ENTHD1: variants seen among roughly 807,000 people sequenced by gnomAD.
The protein encoded by ENTHD1 is ENTH domain-containing protein 1.
A neutral mutation model predicts 39.1 loss-of-function variants in ENTHD1; 23 were observed. The ratio of observed to expected loss-of-function variants is 0.59; its 90% CI spans 0.42 to 0.83. ENTHD1 has a LOEUF of 0.83. Among genes scored for constraint, ENTHD1 ranks in the 40% least tolerant of loss-of-function variants. ENTHD1 has a pLI of 0.00. For missense variants in ENTHD1, 624 were observed against 705.4 expected (o/e 0.88, Z 1.31); for synonymous variants, 230 against 258.2 (o/e 0.89, Z 1.05).
intron 5 of ENTHD1, among the ~76,000 whole-genome samples, chr22:39,788,131 G>A (rs1165445414): frequency 6.6e-6 from 1 of 152,146 alleles, no homozygotes; most frequent in Non-Finnish European, 1.5e-5. Context: ...TGACTTTCAA[G>A]TCTTATTATT....
At chr22:39,883,086 G>A (rs1389814207) in intron 2 of ENTHD1, among the ~76,000 whole-genome samples, 1 of 151,436 alleles carries the variant, frequency 6.6e-6, no homozygotes, top group Non-Finnish European at 1.5e-5. Context: ...TCCCCTAATG[G>A]AATCTTTTTC....
At chr22:39,782,277 ACT>A (rs1273429539) in intron 5 of ENTHD1, among the ~76,000 whole-genome samples, 2 of 152,052 alleles carry the variant, frequency 1.3e-5, no homozygotes, top group African/African-American at 4.8e-5. Context: ...ACAGAGAGAG[ACT>A]CTGTCTCAAA....
At chr22:39,796,297 G>A (rs2056745736) in intron 5 of ENTHD1, among the ~76,000 whole-genome samples, 2 of 151,864 alleles carry the variant, frequency 1.3e-5, no homozygotes, top group Admixed American at 1.3e-4. Context: ...TTTTGAGACA[G>A]GGTCTTGCTC....
At position 39,862,008 on chromosome 22, in the gene ENTHD1, C is replaced by T; in HGVS notation, c.350-1G>A. On this transcript the variant is annotated splice_acceptor_variant, in intron 2 of 6. Transcript: ENST00000325157. LOFTEE classifies it high-confidence loss of function. Reference sequence around the variant, plus strand: ...TTAGATTTTTCCCGGATATAATAACCTGAAAAATACATTGACTCTGCTTAG... The same window carrying T: ...TTAGATTTTTCCCGGATATAATAACTTGAAAAATACATTGACTCTGCTTAG... 1 of 1,472,416 alleles carries T rather than the reference C, an allele frequency of 6.8e-7. No individual in the cohort carries two copies. The highest frequency in any genetic ancestry group is 9.2e-7 in the Non-Finnish European group (1 of 1,092,290). The allele number at this position is 1,472,416 out of a possible 1,614,324, so 91.2% of individuals were successfully genotyped here. A position where few individuals can be genotyped will look rare whatever the true frequency, so the allele number is the denominator to read the frequency against.
intron 5 of ENTHD1, among the ~76,000 whole-genome samples, chr22:39,800,826 C>T (rs2065592829): frequency 6.6e-6 from 1 of 152,186 alleles, no homozygotes; most frequent in Non-Finnish European, 1.5e-5. Flanking sequence ...TCTAGGTTTG[C>T]TTTTTAATGG....
At chr22:39,866,143 G>A (rs779732296) in intron 2 of ENTHD1, among the ~76,000 whole-genome samples, 7 of 152,216 alleles carry the variant, frequency 4.6e-5, no homozygotes, top group Non-Finnish European at 7.3e-5. Flanking sequence ...CAACGGGGGC[G>A]TGAGGGTAGG....
intron 5 of ENTHD1, among the ~76,000 whole-genome samples, chr22:39,781,547 C>T (rs2065410251): frequency 6.6e-6 from 1 of 151,920 alleles, no homozygotes; most frequent in Admixed American, 6.6e-5. Flanking sequence ...TAAATGCCTA[C>T]ATCAAAAAAG....
At chr22:39,788,417 G>C (rs1445965154) in intron 5 of ENTHD1, among the ~76,000 whole-genome samples, 1 of 152,190 alleles carries the variant, frequency 6.6e-6, no homozygotes, top group African/African-American at 2.4e-5. Context: ...ATTAAAAGTG[G>C]AGCCTGAAGA....
chr22:39,748,354 C>G (rs2065122872), intron 6 of ENTHD1, among the ~76,000 whole-genome samples: 1 of 151,016 alleles, frequency 6.6e-6, no homozygotes, highest in Non-Finnish European at 1.5e-5. Context: ...GAAAGAATAA[C>G]TTAATAAGAA....
At chr22:39,799,237 C>A (rs372878675) in intron 5 of ENTHD1, among the ~76,000 whole-genome samples, 1 of 152,088 alleles carries the variant, frequency 6.6e-6, no homozygotes, top group Admixed American at 6.5e-5. Context: ...ACCGCAATTG[C>A]GGGGAGGGGA....
intron 5 of ENTHD1, among the ~76,000 whole-genome samples, chr22:39,799,825 G>T (rs1328294113): frequency 6.6e-6 from 1 of 152,214 alleles, no homozygotes; most frequent in Non-Finnish European, 1.5e-5. Context: ...TATCACTGGG[G>T]ACCCTGTCAC....
intron 2 of ENTHD1, chr22:39,875,358 C>T (rs2066279630): frequency 8.8e-6 from 12 of 1,363,962 alleles, no homozygotes; most frequent in Non-Finnish European, 1.1e-5. Context: ...CGCGGGGTGG[C>T]GGGCGCGCTG....
At chr22:39,783,281 A>G (rs1278207885) in intron 5 of ENTHD1, among the ~76,000 whole-genome samples, 1 of 152,122 alleles carries the variant, frequency 6.6e-6, no homozygotes, top group Non-Finnish European at 1.5e-5. Context: ...ATTGAAGAGG[A>G]CCTAAAAAAT....
chr22:39,884,303 C>T (rs994679522), intron 2 of ENTHD1, among the ~76,000 whole-genome samples: 17 of 151,912 alleles, frequency 1.1e-4, no homozygotes, highest in African/African-American at 3.9e-4. Flanking sequence ...CTCAGCCTCC[C>T]GGGTAGCTGG....
At chr22:39,747,237 C>A (rs2065112624) in intron 6 of ENTHD1, among the ~76,000 whole-genome samples, 1 of 152,168 alleles carries the variant, frequency 6.6e-6, no homozygotes, top group South Asian at 2.1e-4. Flanking sequence ...GATCCTCACT[C>A]CTCAGCCTCC....
Position 39,749,177 on chromosome 22 carries a change from A to C in ENTHD1, c.1220-4894T>G, listed in dbSNP as rs1280918610. 4.6e-5 allele frequency among the ~76,000 whole-genome samples: 7 copies of C among 152,208 alleles called. No individual in the cohort carries two copies. In the South Asian group the frequency reaches 1.0e-3, roughly 23 times the overall value. On this transcript the variant is annotated intron_variant, in intron 6 of 6. Transcript: ENST00000325157. ...CACTCCACAGCTGTACACATACTTC[A>C]AGCTGCTCTCCAGGGTGCATCCTCA... is the stretch of plus-strand genomic sequence containing the variant.
In ENTHD1 at chr22:39,749,454, G is replaced by A. The variant is rs111958724; in HGVS notation, c.1220-5171C>T. 8.9e-4 allele frequency among the ~76,000 whole-genome samples: 136 copies of A among 152,248 alleles called. 1 individual carries two copies. Among genetic ancestry groups the A allele is most frequent in the African/African-American group, 1.4e-3 (57 of 41,530 alleles). On this transcript the variant is annotated intron_variant, in intron 6 of 6. Coordinates refer to ENST00000325157, the MANE Select transcript of ENTHD1 (RefSeq NM_152512.4). ...ATAAATAATATTGGACCAGTTAATC[G>A]TGATATTAAAACTTTCCATTTTAAA... is the stretch of plus-strand genomic sequence containing the variant.
chr22:39,780,457 T>C (rs2065400440), intron 5 of ENTHD1, among the ~76,000 whole-genome samples: 1 of 151,862 alleles, frequency 6.6e-6, no homozygotes, highest in Non-Finnish European at 1.5e-5. Flanking sequence ...TAAACCCAAC[T>C]ATATGTTGCC....
At chr22:39,865,713 A>G (rs1158873564) in intron 2 of ENTHD1, among the ~76,000 whole-genome samples, 1 of 152,238 alleles carries the variant, frequency 6.6e-6, no homozygotes, top group African/African-American at 2.4e-5. Context: ...AGGTTGTTAG[A>G]TGAGGTGCAG....
Sources: allele counts gnomAD v4.1 joint callset (sites outside exome capture counted in the v4.1 genomes callset), GRCh38; gene constraint gnomAD v4.1.1; transcripts MANE v1.5; gene names NCBI Gene and HGNC (gene_info 2026-07-23, HGNC 2026-07-21).